Variants in MAPKAPK5 observed in about 807,000 individuals in gnomAD.
MAPKAPK5 encodes the protein MAPK activated protein kinase 5.
A neutral mutation model predicts 65.1 loss-of-function variants in MAPKAPK5; 30 were observed. The ratio of observed to expected loss-of-function variants is 0.46; its 90% confidence interval spans 0.34 to 0.63. The LOEUF (loss-of-function observed/expected upper bound fraction) is 0.63. Among genes scored for constraint, MAPKAPK5 ranks in the 20% least tolerant of loss-of-function variants. The pLI, the probability that MAPKAPK5 is intolerant of heterozygous loss-of-function variation, is 0.01. For missense variants in MAPKAPK5, 433 were observed against 581.4 expected, an observed-to-expected ratio of 0.74 and a Z score of 2.63; for synonymous variants, 179 against 204.6, an observed-to-expected ratio of 0.87 and a Z score of 1.07.
At chr12:111,881,110 G>T (rs1377334279) in intron 8 of MAPKAPK5, among the ~76,000 whole-genome samples, 1 of 152,076 alleles carries the variant, frequency 6.6e-6, no homozygotes, top group Non-Finnish European at 1.5e-5. Flanking sequence ...GTCTCGCTCT[G>T]TCGCCCAGGC....
chr12:111,899,931 C>T lies in MAPKAPK5; in HGVS notation c.*6870C>T, dbSNP rs1393912957. The T allele has an allele frequency of 2.2e-6, 1 of 456,130 alleles. No individual in the cohort carries two copies. The highest frequency in any genetic ancestry group is 6.9e-5 in the East Asian group (1 of 14,400). The allele number at this position is 456,130 out of a possible 1,614,324, so 28.3% of individuals were successfully genotyped here. A position where few individuals can be genotyped will look rare whatever the true frequency, so the allele number is the denominator to read the frequency against. ...CAGGAAGCCTCATGATCTACAGGCACTGTCCTACTTGTGGTCACACAAAAA... is the reference window on the plus strand; with the variant it reads ...CAGGAAGCCTCATGATCTACAGGCATTGTCCTACTTGTGGTCACACAAAAA... On this transcript the variant is annotated 3_prime_UTR_variant, in exon 14 of 14. Transcript: ENST00000550735.
At position 111,890,071 on chromosome 12, in the gene MAPKAPK5, A is replaced by T; in HGVS notation, c.1248A>T (p.Val416=). Residue 416 remains valine, a synonymous_variant, in exon 13 of 14, where the codon GTA becomes GTT. Coordinates refer to ENST00000550735, the MANE Select transcript of MAPKAPK5 (RefSeq NM_003668.4). ...ATGAAGATGAGAAACTGAATGAAGT[A>T]ATGCAGGAGGCTTGGAAGTATAACC... is the stretch of plus-strand genomic sequence containing the variant. ...GENEDEKLNE[V]MQEAWKYNRE... The T allele has an allele frequency of 6.3e-7, 1 of 1,597,982 alleles. No individual in the cohort carries two copies. Among genetic ancestry groups the T allele is most frequent in the South Asian group, 1.1e-5 (1 of 87,430 alleles).
intron 3 of MAPKAPK5, among the ~76,000 whole-genome samples, 194 bp from the exon 4 acceptor site, chr12:111,867,378 G>A (rs1430292673): frequency 6.6e-6 from 1 of 152,212 alleles, no homozygotes; most frequent in African/African-American, 2.4e-5. Flanking sequence ...GGAACAGTAG[G>A]AAGTAAATCT....
intron 5 of MAPKAPK5, 34 bp downstream of exon 5, chr12:111,868,895 C>T: frequency 6.7e-7 from 1 of 1,494,940 alleles, no homozygotes; most frequent in Non-Finnish European, 9.0e-7. Flanking sequence ...CAAACTGCCA[C>T]CAAAGTTGGT....
chr12:111,886,035 A>C lies in MAPKAPK5; in HGVS notation c.968A>C (p.Lys323Thr), dbSNP rs1285624494. Residue 323 changes from lysine to threonine, a missense_variant and splice_region_variant, in exon 10 of 14, where the codon AAG (lysine) becomes ACG (threonine). By Grantham distance (78) the Lys-to-Thr change is moderately conservative. Transcript: ENST00000550735. ...CCTTCTGCTCAGCTGATGATGGACA[A>C]GGTTTTGAATGATGTTTACTTTGTT... ...VLPSAQLMMD[K>T]AVVAGIQQAH... is the part of the protein sequence containing the mutation. 6.2e-7 allele frequency: 1 copy of C among 1,613,886 alleles called. No homozygotes were observed. The highest frequency in any genetic ancestry group is 1.1e-5 in the South Asian group (1 of 91,076).
In MAPKAPK5 at chr12:111,865,330, G is replaced by GA; in HGVS notation, c.110+8dup. ...GAATTAGTGGTCCAGTTAGGTAAGA[G>GA]ATCCATATGAGAAACTATGGCAAAT... On this transcript the variant is annotated splice_region_variant and intron_variant, in intron 2 of 13. Coordinates refer to ENST00000550735, the MANE Select transcript of MAPKAPK5 (RefSeq NM_003668.4). 1 of 1,578,692 alleles carries GA rather than the reference G, an allele frequency of 6.3e-7. No homozygotes were observed. The highest frequency in any genetic ancestry group is 2.3e-5 in the East Asian group (1 of 43,770).
chr12:111,878,715 C>G (rs756879523), intron 7 of MAPKAPK5, among the ~76,000 whole-genome samples: 1 of 152,166 alleles, frequency 6.6e-6, no homozygotes, highest in African/African-American at 2.4e-5. Context: ...CACCATGCCC[C>G]GCCTTAATTT....
chr12:111,892,873 G>GAT, intron 13 of MAPKAPK5, 94 bp from the exon 14 acceptor site: 2 of 805,358 alleles, frequency 2.5e-6, no homozygotes. Context: ...GGGTGAATTT[G>GAT]ATACTGGTAA....
At chr12:111,849,611 G>C (rs1358328561) in intron 1 of MAPKAPK5, among the ~76,000 whole-genome samples, 1 of 152,168 alleles carries the variant, frequency 6.6e-6, no homozygotes, top group Non-Finnish European at 1.5e-5. Context: ...TATGTGATTG[G>C]CAAATATTTT....
intron 7 of MAPKAPK5, among the ~76,000 whole-genome samples, chr12:111,878,868 G>A (rs1445332010): frequency 1.3e-5 from 2 of 152,212 alleles, no homozygotes; most frequent in Middle Eastern, 3.4e-3. Flanking sequence ...CTATTCCATT[G>A]ATCTCTTTAT....
intron 8 of MAPKAPK5, among the ~76,000 whole-genome samples, chr12:111,882,155 C>T (rs113392773): frequency 1.2e-4 from 18 of 152,186 alleles, no homozygotes; most frequent in African/African-American, 3.6e-4. Context: ...CCGAGGTGGG[C>T]GGATCACGAG....
In MAPKAPK5 at chr12:111,888,906, C is replaced by G; in HGVS notation, c.1122C>G (p.Val374=). Residue 374 remains valine, a synonymous_variant, in exon 12 of 14, where the codon GTC becomes GTG. Transcript: ENST00000550735. ...AAAGCACCAAGCCAAAGGACAGTGTCTATATCCACGACCATGAGAATGGAG... is the reference window on the plus strand; with the variant it reads ...AAAGCACCAAGCCAAAGGACAGTGTGTATATCCACGACCATGAGAATGGAG... ...KLLGTKPKDS[V]YIHDHENGAE... 6.2e-7 allele frequency: 1 copy of G among 1,613,798 alleles called. No individual in the cohort carries two copies. The highest frequency in any genetic ancestry group is 8.5e-7 in the Non-Finnish European group (1 of 1,179,852).
At chr12:111,854,231 CT>C (rs1316438787) in intron 1 of MAPKAPK5, among the ~76,000 whole-genome samples, 1 of 149,918 alleles carries the variant, frequency 6.7e-6, no homozygotes, top group African/African-American at 2.5e-5. Flanking sequence ...TTTTCTTTTT[CT>C]TTTTCTTTTT....
intron 8 of MAPKAPK5, among the ~76,000 whole-genome samples, chr12:111,882,392 A>G (rs1350547331): frequency 9.9e-5 from 15 of 151,628 alleles, no homozygotes; most frequent in Non-Finnish European, 1.9e-4. Context: ...AAAAGAAAAT[A>G]CAGGCGAGAG....
intron 7 of MAPKAPK5, among the ~76,000 whole-genome samples, chr12:111,876,246 C>G (rs942352372): frequency 6.9e-6 from 1 of 145,600 alleles, no homozygotes; most frequent in Non-Finnish European, 1.5e-5. Flanking sequence ...TATAATTTAT[C>G]TTTGACACTT....
intron 1 of MAPKAPK5, among the ~76,000 whole-genome samples, chr12:111,857,989 C>G (rs536148545): frequency 6.6e-6 from 1 of 152,120 alleles, no homozygotes; most frequent in East Asian, 1.9e-4. Flanking sequence ...ACCTCAATCT[C>G]CTGGGCTCAA....
intron 1 of MAPKAPK5, among the ~76,000 whole-genome samples, chr12:111,843,845 C>T (rs755228058): frequency 1.7e-4 from 26 of 152,232 alleles, no homozygotes; most frequent in Admixed American, 4.6e-4. Context: ...CGGAGTCTCA[C>T]TCTGTCGCCC....
chr12:111,875,790 C>A (rs2069942985), intron 7 of MAPKAPK5, among the ~76,000 whole-genome samples: 1 of 152,156 alleles, frequency 6.6e-6, no homozygotes, highest in Non-Finnish European at 1.5e-5. Context: ...CATGTGATAT[C>A]ACTTCCTCCT....
In MAPKAPK5 at chr12:111,901,061, C is replaced by T; in HGVS notation, c.*8000C>T. On this transcript the variant is annotated 3_prime_UTR_variant, in exon 14 of 14. Transcript: ENST00000550735. ...AACTTATATGTTCAGGTATTACAGG[C>T]TTACCAAAAATCAATCTCCAACATA... is the stretch of plus-strand genomic sequence containing the variant. 1 of 456,050 alleles carries T rather than the reference C, an allele frequency of 2.2e-6. No individual in the cohort carries two copies. Among genetic ancestry groups the T allele is most frequent in the Non-Finnish European group, 4.4e-6 (1 of 226,792 alleles). 28.3% of individuals were successfully genotyped at this position (456,050 alleles called of 1,614,324 possible).
Sources: allele counts gnomAD v4.1 joint callset (sites outside exome capture counted in the v4.1 genomes callset), GRCh38; gene constraint gnomAD v4.1.1; transcripts MANE v1.5; gene names NCBI Gene and HGNC (gene_info 2026-07-23, HGNC 2026-07-21).